Variants in PLOD2 observed in about 807,000 individuals in gnomAD.
The protein encoded by PLOD2 is procollagen-lysine,2-oxoglutarate 5-dioxygenase 2.
In PLOD2, 65 loss-of-function variants were observed where a neutral mutation model predicts 101.0. The ratio of observed to expected loss-of-function variants is 0.64; its 90% CI spans 0.53 to 0.79. The LOEUF is 0.79. PLOD2 is among the 30% of genes least tolerant of loss of function. The probability of loss-of-function intolerance (pLI) is 0.00; values close to 1 mark genes in which losing one functional copy is unlikely to be tolerated. For missense variants in PLOD2, 909 were observed against 914.6 expected (o/e 0.99, Z 0.08); for synonymous variants, 314 against 302.9 (o/e 1.04, Z -0.38).
rs550453222 is a variant in PLOD2, at chr3:146,073,368, C to T, written c.1678-16G>A. On this transcript the variant is annotated splice_polypyrimidine_tract_variant and intron_variant, in intron 15 of 19. Coordinates refer to ENST00000282903, the MANE Select transcript of PLOD2 (RefSeq NM_182943.3). The stretch of plus-strand genomic sequence containing the variant: ...CCTTCCAGTCCTATAAAAAGAAGTA[C>T]ATATTAAAACAAATATCTTTATAAA... 4.4e-6 allele frequency: 4 copies of T among 907,048 alleles called. No individual in the cohort carries two copies. Among genetic ancestry groups the T allele is most frequent in the East Asian group, 2.6e-5 (1 of 38,642 alleles). The allele number at this position is 907,048 out of a possible 1,614,324, so 56.2% of individuals were successfully genotyped here.
At chr3:146,148,376 C>G (rs2031895826) in intron 1 of PLOD2, among the ~76,000 whole-genome samples, 1 of 103,198 alleles carries the variant, frequency 9.7e-6, no homozygotes, top group African/African-American at 3.7e-5. Context: ...ACACTTTTCA[C>G]TACAGATGAA....
intron 1 of PLOD2, among the ~76,000 whole-genome samples, chr3:146,138,101 A>G (rs2031337806): frequency 6.6e-6 from 1 of 152,136 alleles, no homozygotes; most frequent in African/African-American, 2.4e-5. Flanking sequence ...GCCAAGATGG[A>G]GCAGATCACA....
rs1936924439 is a variant in PLOD2, at chr3:146,090,067, T to C, written c.880-1356A>G. ...AACATTTATTGAATACTGACCACTT[T>C]GTGTATGTATATTAAATTTATACAA... On this transcript the variant is annotated intron_variant, in intron 8 of 19. Transcript: ENST00000282903. Among the ~76,000 whole-genome samples, 2 of 151,368 alleles carry C rather than the reference T, an allele frequency of 1.3e-5. 1 individual carries two copies. Among genetic ancestry groups the C allele is most frequent in the South Asian group, 4.1e-4 (2 of 4,828 alleles).
chr3:146,110,517 G>C lies in PLOD2; in HGVS notation c.339-69C>G, dbSNP rs1937611403. 3.1e-6 allele frequency: 4 copies of C among 1,282,536 alleles called. No homozygotes were observed. In the African/African-American group the frequency reaches 5.9e-5, roughly 19 times the overall value. 79.4% of individuals were successfully genotyped at this position (1,282,536 alleles called of 1,614,324 possible). ...AATCTAGGCACATAAACCATGAAAA[G>C]TTCTCTAACAAAAGTCAGAATCAAG... On this transcript the variant is annotated intron_variant, in intron 3 of 19. Transcript: ENST00000282903.
At chr3:146,100,961 A>T (rs1937367722) in intron 7 of PLOD2, among the ~76,000 whole-genome samples, 1 of 152,204 alleles carries the variant, frequency 6.6e-6, no homozygotes, top group African/African-American at 2.4e-5. Flanking sequence ...TGAACTAAGA[A>T]AGTTGCTATG....
At chr3:146,112,020 A>G (rs1241191665) in intron 3 of PLOD2, among the ~76,000 whole-genome samples, 1 of 152,158 alleles carries the variant, frequency 6.6e-6, no homozygotes, top group Non-Finnish European at 1.5e-5. Context: ...ATGTCAGAGC[A>G]TCTTACGATT....
At chr3:146,092,123 T>G (rs1936996086) in intron 7 of PLOD2, among the ~76,000 whole-genome samples, 1 of 151,580 alleles carries the variant, frequency 6.6e-6, no homozygotes, top group African/African-American at 2.4e-5. Context: ...AAAAGTCTTA[T>G]AAATCATAAA....
chr3:146,125,672 G>A (rs529837042), intron 1 of PLOD2, among the ~76,000 whole-genome samples: 4 of 152,112 alleles, frequency 2.6e-5, no homozygotes, highest in South Asian at 4.1e-4. Flanking sequence ...GCTTGAACTC[G>A]GGGGGCGGAG....
At chr3:146,116,341 CA>C (rs113763001) in intron 3 of PLOD2, among the ~76,000 whole-genome samples, 3,558 of 151,910 alleles carry the variant, frequency 0.023, 135 homozygotes, top group African/African-American at 0.081. Context: ...GATAAAATCA[CA>C]ATAAAATGAT....
chr3:146,121,711 G>A (rs140418903), intron 2 of PLOD2, among the ~76,000 whole-genome samples: 2 of 152,078 alleles, frequency 1.3e-5, no homozygotes, highest in African/African-American at 2.4e-5. Flanking sequence ...ATTGCAGAGG[G>A]CATCAAGAAA....
chr3:146,102,592 A>C (rs1576595534), intron 7 of PLOD2, among the ~76,000 whole-genome samples, 163 bp downstream of exon 7: 1 of 152,360 alleles, frequency 6.6e-6, no homozygotes, highest in East Asian at 1.9e-4. Flanking sequence ...TTAATTAATT[A>C]GTATAAAACC....
intron 4 of PLOD2, among the ~76,000 whole-genome samples, chr3:146,107,295 C>T (rs1576599342): frequency 6.6e-6 from 1 of 152,240 alleles, no homozygotes; most frequent in East Asian, 1.9e-4. Flanking sequence ...TCTCCTTGGC[C>T]TTAAAGCATA....
intron 7 of PLOD2, among the ~76,000 whole-genome samples, chr3:146,096,958 G>C (rs1430365218): frequency 4.8e-5 from 7 of 145,848 alleles, no homozygotes; most frequent in Non-Finnish European, 9.1e-5. Context: ...TGGGAAGTGA[G>C]GACCCCTCTG....
In PLOD2 at chr3:146,110,343, T is replaced by C. The variant is rs1259302003; in HGVS notation, c.444A>G (p.Lys148=). ...CAACAGGATACTTGTCTGCTAGTCTTTTATCTGGCCACAAAATTCCATCTG... is the reference window on the plus strand; with the variant it reads ...CAACAGGATACTTGTCTGCTAGTCTCTTATCTGGCCACAAAATTCCATCTG... The part of the protein sequence containing the change: ...FAADGILWPD[K]RLADKYPVVH... The change falls in exon 4 of 20, where the codon AAA becomes AAG. Residue 148 remains lysine (K), a synonymous_variant. Transcript: ENST00000282903. The C allele has an allele frequency of 6.2e-7, 1 of 1,613,880 alleles. No individual in the cohort carries two copies. Among genetic ancestry groups the C allele is most frequent in the South Asian group, 1.1e-5 (1 of 91,068 alleles).
chr3:146,088,538 AG>A, intron 9 of PLOD2, 47 bp downstream of exon 9: 1 of 1,331,548 alleles, frequency 7.5e-7, no homozygotes. Flanking sequence ...GTTCCAAAAA[AG>A]ACCAAAAATA....
chr3:146,117,872 CT>C (rs1361633183), intron 3 of PLOD2, among the ~76,000 whole-genome samples: 2 of 151,874 alleles, frequency 1.3e-5, no homozygotes, highest in Non-Finnish European at 2.9e-5. Context: ...TGTCCTTCTT[CT>C]CATGAGAAAA....
chr3:146,110,604 C>T (rs1331160033), intron 3 of PLOD2, among the ~76,000 whole-genome samples, 156 bp from the exon 4 acceptor site: 3 of 152,192 alleles, frequency 2.0e-5, no homozygotes, highest in African/African-American at 7.2e-5. Context: ...CAAAATTTCT[C>T]TCAACTTAAA....
chr3:146,130,823 G>T (rs2030865169), intron 1 of PLOD2, among the ~76,000 whole-genome samples: 1 of 152,150 alleles, frequency 6.6e-6, no homozygotes, highest in South Asian at 2.1e-4. Context: ...ATTATGTTCA[G>T]AAAAGAGATA....
chr3:146,090,408 C>T (rs1026833832), intron 8 of PLOD2, among the ~76,000 whole-genome samples: 27 of 151,488 alleles, frequency 1.8e-4, no homozygotes, highest in African/African-American at 6.5e-4. Flanking sequence ...TTACATACTC[C>T]TACATGCAAA....
Sources: gnomAD v4.1 joint callset for allele counts (sites outside exome capture counted in the v4.1 genomes callset) on GRCh38, gnomAD v4.1.1 for gene constraint, MANE v1.5 for transcripts, NCBI Gene and HGNC (gene_info 2026-07-23, HGNC 2026-07-21) for gene names.